Variants in GPC3 observed in about 807,000 individuals in gnomAD.
GPC3 encodes the protein glypican 3, also known as glypican-3.
A neutral mutation model predicts 34.4 loss-of-function variants in GPC3; 3 were observed. The observed-to-expected ratio is 0.09, with a 90% CI of 0.04 to 0.23. GPC3 has a LOEUF of 0.23. GPC3 is among the 10% of genes least tolerant of loss of function. GPC3 has a pLI of 1.00. For synonymous variants in GPC3, 177 were observed against 174.0 expected (o/e 1.02, Z -0.13); for missense variants, 351 against 445.6 (o/e 0.79, Z 1.91).
intron 7 of GPC3, among the ~76,000 whole-genome samples, chrX:133,539,701 G>A (rs993643822): frequency 8.9e-6 from 1 of 112,107 alleles, no homozygotes; most frequent in Non-Finnish European, 1.9e-5. Flanking sequence ...GTTTCCTGAG[G>A]CTCTTCATTC....
chrX:133,775,416 C>A (rs182502671), intron 2 of GPC3, among the ~76,000 whole-genome samples: 5 of 111,474 alleles, frequency 4.5e-5, no homozygotes, highest in Non-Finnish European at 9.4e-5. Context: ...CTTGGGGAGG[C>A]CCCTGTAAGT....
chrX:133,814,379 G>C (rs1477762155), intron 2 of GPC3, among the ~76,000 whole-genome samples: 3 of 110,975 alleles, frequency 2.7e-5, no homozygotes, highest in Non-Finnish European at 5.7e-5. Context: ...GAAATCTGCT[G>C]ATGTGGTTTC....
intron 6 of GPC3, among the ~76,000 whole-genome samples, chrX:133,600,966 C>T (rs1037112555): frequency 8.0e-5 from 9 of 111,879 alleles, no homozygotes; most frequent in African/African-American, 2.6e-4. Flanking sequence ...TCAATGTAAA[C>T]GATCATATTA....
intron 2 of GPC3, among the ~76,000 whole-genome samples, chrX:133,807,553 G>T (rs974089584): frequency 2.7e-5 from 3 of 111,771 alleles, no homozygotes; most frequent in African/African-American, 9.8e-5. Context: ...AGTCTCTAGA[G>T]GGTGAGTTTG....
At chrX:133,596,678 C>A (rs2069920872) in intron 6 of GPC3, 79 bp from the exon 7 acceptor site, 15 of 988,158 alleles carry the variant, frequency 1.5e-5, no homozygotes, top group Non-Finnish European at 1.4e-6. Flanking sequence ...TAACAGGAGG[C>A]ATTAAAAATG....
chrX:133,869,780 C>T (rs56673466), intron 2 of GPC3, among the ~76,000 whole-genome samples: 5,020 of 110,647 alleles, frequency 0.045, 283 homozygotes, highest in African/African-American at 0.16. Context: ...GGTGAAACCC[C>T]GTCTCTACTA....
intron 2 of GPC3, among the ~76,000 whole-genome samples, chrX:133,829,239 C>A (rs778726816): frequency 9.0e-6 from 1 of 111,725 alleles, no homozygotes; most frequent in South Asian, 3.7e-4. Flanking sequence ...AATTTTATAA[C>A]GGTAAAGGGT....
chrX:133,826,080 A>G (rs761411172), intron 2 of GPC3, among the ~76,000 whole-genome samples: 1 of 111,801 alleles, frequency 8.9e-6, no homozygotes, highest in East Asian at 2.8e-4. Context: ...GAGTTACCAC[A>G]TTATATTATT....
chrX:133,709,700 T>C (rs980071606), intron 3 of GPC3, among the ~76,000 whole-genome samples: 2 of 112,104 alleles, frequency 1.8e-5, no homozygotes, highest in Non-Finnish European at 3.8e-5. Context: ...ACTCAACTGA[T>C]TGCACTGCTT....
In GPC3 at chrX:133,859,454, A is replaced by G. The variant is rs1305063875; in HGVS notation, c.337+93596T>C. Among the ~76,000 whole-genome samples the G allele has an allele frequency of 9.0e-5, 10 of 111,688 alleles. No individual in the cohort carries two copies. The East Asian group carries it at 1.7e-3, about 19-fold the overall frequency. ...AGAAGGCCCATATTTGCACCTGGGA[A>G]GAAAAAACAACTGTTGCCTAGGAAA... On this transcript the variant is annotated intron_variant, in intron 2 of 7. Transcript: ENST00000370818.
chrX:133,696,292 A>G (rs895002502), intron 4 of GPC3, among the ~76,000 whole-genome samples: 1 of 112,044 alleles, frequency 8.9e-6, no homozygotes, highest in African/African-American at 3.2e-5. Context: ...AGTTTTTCAA[A>G]GGACAGCAAC....
intron 3 of GPC3, among the ~76,000 whole-genome samples, chrX:133,750,031 A>G (rs964281327): frequency 2.7e-5 from 3 of 111,499 alleles, no homozygotes; most frequent in African/African-American, 9.8e-5. Context: ...AACAAGGCAG[A>G]GTTTACATAT....
chrX:133,759,183 G>A (rs1026333927), intron 2 of GPC3, among the ~76,000 whole-genome samples: 2 of 112,054 alleles, frequency 1.8e-5, no homozygotes, highest in Admixed American at 1.9e-4. Flanking sequence ...ATATTATTAA[G>A]TTTTCAATTC....
chrX:133,719,690 A>C (rs1441530770), intron 3 of GPC3, among the ~76,000 whole-genome samples: 1 of 112,377 alleles, frequency 8.9e-6, no homozygotes, highest in Non-Finnish European at 1.9e-5. Context: ...ATTAAAGAGA[A>C]GGACTTTAAA....
chrX:133,675,176 C>G (rs2070871286), intron 5 of GPC3, among the ~76,000 whole-genome samples: 2 of 111,980 alleles, frequency 1.8e-5, no homozygotes, highest in African/African-American at 6.5e-5. Flanking sequence ...CAAATAGGTG[C>G]TACTGATACA....
At chrX:133,613,206 T>G (rs994091556) in intron 6 of GPC3, among the ~76,000 whole-genome samples, 3 of 112,524 alleles carry the variant, frequency 2.7e-5, no homozygotes, top group Non-Finnish European at 5.6e-5. Flanking sequence ...GAGCCAGAAG[T>G]AAATCTAAGT....
At chrX:133,706,216 G>A (rs184951070) in intron 3 of GPC3, among the ~76,000 whole-genome samples, 1 of 112,073 alleles carries the variant, frequency 8.9e-6, no homozygotes, top group Non-Finnish European at 1.9e-5. Flanking sequence ...ATAGATTAAA[G>A]ACTTAAATAT....
At chrX:133,900,937 A>G (rs186787527) in intron 2 of GPC3, among the ~76,000 whole-genome samples, 2 of 112,080 alleles carry the variant, frequency 1.8e-5, no homozygotes, top group African/African-American at 6.5e-5. Context: ...ATTATGTTTT[A>G]TATTGTCCAT....
intron 2 of GPC3, among the ~76,000 whole-genome samples, chrX:133,769,569 G>C (rs1425220387): frequency 4.5e-5 from 5 of 111,119 alleles, no homozygotes; most frequent in Non-Finnish European, 9.4e-5. Flanking sequence ...CAATAAACTG[G>C]AAAATATACT....
Sources: gnomAD v4.1 joint callset for allele counts (sites outside exome capture counted in the v4.1 genomes callset) on GRCh38, gnomAD v4.1.1 for gene constraint, MANE v1.5 for transcripts, NCBI Gene and HGNC (gene_info 2026-07-23, HGNC 2026-07-21) for gene names.